PTP4A2: variants seen among roughly 807,000 people sequenced by gnomAD.
PTP4A2 encodes protein tyrosine phosphatase type IVA 2.
A neutral mutation model predicts 22.9 loss-of-function variants in PTP4A2; 2 were observed. The observed-to-expected ratio is 0.09, with a 90% CI of 0.04 to 0.27. PTP4A2 has a LOEUF of 0.27. PTP4A2 is among the 10% of genes least tolerant of loss of function. The pLI is 1.00. For synonymous variants in PTP4A2, 68 were observed against 69.1 expected (o/e 0.98, Z 0.08); for missense variants, 103 against 205.1 (o/e 0.50, Z 3.04).
At chr1:31,928,183 A>G (rs1557867691) in intron 1 of PTP4A2, among the ~76,000 whole-genome samples, 3 of 146,600 alleles carry the variant, frequency 2.0e-5, no homozygotes, top group Non-Finnish European at 4.5e-5. Context: ...TAACAAATAT[A>G]TATTATAACA....
At chr1:31,915,856 TACA>T (rs768243045) in intron 3 of PTP4A2, 36 bp downstream of exon 3, 1 of 1,324,238 alleles carries the variant, frequency 7.6e-7, no homozygotes, top group African/African-American at 1.5e-5. Context: ...GTTTGAAAGA[TACA>T]ACTTGTTTTG....
At chr1:31,931,762 T>C (rs1046161352) in intron 1 of PTP4A2, among the ~76,000 whole-genome samples, 2 of 152,218 alleles carry the variant, frequency 1.3e-5, no homozygotes, top group African/African-American at 4.8e-5. Flanking sequence ...TAACCACACA[T>C]GTGGAATGAA....
At chr1:31,921,882 T>C (rs1017064094) in intron 1 of PTP4A2, 1 of 152,284 alleles carries the variant, frequency 6.6e-6, no homozygotes, top group African/African-American at 2.4e-5. Flanking sequence ...CTTGTGATTA[T>C]ATAACCACTG....
rs570538553 is a variant in PTP4A2, at chr1:31,926,181, A to G, written c.-593-6523T>C. Among the ~76,000 whole-genome samples the G allele has an allele frequency of 9.6e-3, 1,412 of 147,274 alleles. 10 individuals carry two copies. Among genetic ancestry groups the G allele is most frequent in the Non-Finnish European group, 0.016 (1,030 of 66,426 alleles). On this transcript the variant is annotated intron_variant, in intron 1 of 5. Coordinates refer to ENST00000647444, the MANE Select transcript of PTP4A2 (RefSeq NM_080391.4). ...ATATATATATATATTTATCTCTCCT[A>G]TCAATCCACTCACATCAGGATTTCT... is the stretch of plus-strand genomic sequence containing the variant.
intron 1 of PTP4A2, among the ~76,000 whole-genome samples, chr1:31,931,816 C>T (rs1652739305): frequency 6.6e-6 from 1 of 152,212 alleles, no homozygotes; most frequent in South Asian, 2.1e-4. Context: ...ATATCCTTCT[C>T]TATTTGCTGA....
At chr1:31,914,800 C>T (rs939264437) in intron 3 of PTP4A2, among the ~76,000 whole-genome samples, 1 of 152,182 alleles carries the variant, frequency 6.6e-6, no homozygotes, top group African/African-American at 2.4e-5. Context: ...AGGAAACAGC[C>T]TATTTTGATG....
chr1:31,928,154 A>G (rs1033405938), intron 1 of PTP4A2, among the ~76,000 whole-genome samples: 2 of 147,914 alleles, frequency 1.4e-5, no homozygotes, highest in Middle Eastern at 3.3e-3. Context: ...TTAGATTTAA[A>G]TTAATATTAT....
chr1:31,928,811 A>G (rs773909592), intron 1 of PTP4A2, among the ~76,000 whole-genome samples: 1 of 152,168 alleles, frequency 6.6e-6, no homozygotes, highest in Non-Finnish European at 1.5e-5. Context: ...AGAAATCAAT[A>G]ATCAGTTCTA....
At chr1:31,909,998 T>C (rs1231015528) in intron 5 of PTP4A2, 40 bp downstream of exon 5, 5 of 1,515,906 alleles carry the variant, frequency 3.3e-6, no homozygotes, top group Non-Finnish European at 4.6e-6. Context: ...ATGCATGATC[T>C]TGCTTTCTGT....
intron 1 of PTP4A2, among the ~76,000 whole-genome samples, chr1:31,925,182 A>ATATACCT (rs1652389756): frequency 6.6e-6 from 1 of 152,198 alleles, no homozygotes; most frequent in South Asian, 2.1e-4. Context: ...ACATCTTAAC[A>ATATACCT]TATACCTTTT....
At chr1:31,931,512 C>T (rs1652726736) in intron 1 of PTP4A2, among the ~76,000 whole-genome samples, 1 of 152,190 alleles carries the variant, frequency 6.6e-6, no homozygotes, top group South Asian at 2.1e-4. Flanking sequence ...CTCCCCTGAT[C>T]TACTGAGCAA....
chr1:31,923,363 C>G (rs1439258633), intron 1 of PTP4A2, among the ~76,000 whole-genome samples: 3 of 124,228 alleles, frequency 2.4e-5, no homozygotes, highest in Non-Finnish European at 4.8e-5. Flanking sequence ...GAGACGGAGT[C>G]TTGCTCTGTC....
chr1:31,917,719 T>C (rs1465693279), intron 2 of PTP4A2, among the ~76,000 whole-genome samples: 1 of 152,186 alleles, frequency 6.6e-6, no homozygotes, highest in African/African-American at 2.4e-5. Context: ...CTCACGCCTG[T>C]AATCCCAGCA....
At chr1:31,909,100 A>G in intron 5 of PTP4A2, 140 bp from the exon 6 acceptor site, 1 of 666,694 alleles carries the variant, frequency 1.5e-6, no homozygotes, top group Non-Finnish European at 2.6e-6. Flanking sequence ...AACAATTCTT[A>G]AAGAGCTAAG....
At chr1:31,926,484 T>C (rs1366137652) in intron 1 of PTP4A2, among the ~76,000 whole-genome samples, 2 of 152,154 alleles carry the variant, frequency 1.3e-5, no homozygotes, top group African/African-American at 2.4e-5. Context: ...AGCCTAATAA[T>C]GTAATATACA....
At position 31,922,855 on chromosome 1, in the gene PTP4A2, A is replaced by C. The variant is rs10914502; in HGVS notation, c.-593-3197T>G. 4.2e-3 allele frequency among the ~76,000 whole-genome samples: 644 copies of C among 152,026 alleles called. 2 individuals are homozygous for C. The highest frequency in any genetic ancestry group is 0.023 in the South Asian group (113 of 4,814). The stretch of plus-strand genomic sequence containing the variant: ...CAGGCTGATCTCGAATTCCTGGATG[A>C]AAACCAACCTCCTGCCTCGGCCTCC... On this transcript the variant is annotated intron_variant, in intron 1 of 5. Transcript: ENST00000647444.
intron 2 of PTP4A2, 30 bp from the exon 3 acceptor site, chr1:31,916,017 C>T (rs373709524): frequency 6.9e-7 from 1 of 1,452,202 alleles, no homozygotes; most frequent in Non-Finnish European, 9.4e-7. Flanking sequence ...TATAATGGAA[C>T]TTGTTTTTGA....
At chr1:31,925,816 T>C (rs755464936) in intron 1 of PTP4A2, among the ~76,000 whole-genome samples, 4 of 151,624 alleles carry the variant, frequency 2.6e-5, no homozygotes, top group Non-Finnish European at 5.9e-5. Flanking sequence ...GCAGCCTCAT[T>C]TAATTTAACC....
rs745326625 is a variant in PTP4A2 at position 31,919,036 on chromosome 1, G to C, written c.30C>G (p.Ser10=). 2 of 1,605,482 alleles carry C rather than the reference G, an allele frequency of 1.2e-6. No homozygotes were observed. The highest frequency in any genetic ancestry group is 1.7e-6 in the Non-Finnish European group (2 of 1,173,764). The change falls in exon 2 of 6, where the codon TCC becomes TCG. Residue 10 remains serine, a synonymous_variant. Transcript: ENST00000647444. ...TTATCAGAAAACGCATGTTCTCATA[G>C]GAGATCTCCACAGGGGCTGGACGGT... is the stretch of plus-strand genomic sequence containing the variant. The part of the protein sequence containing the change: MNRPAPVEI[S]YENMRFLITH...
Sources: allele counts gnomAD v4.1 joint callset (sites outside exome capture counted in the v4.1 genomes callset), GRCh38; gene constraint gnomAD v4.1.1; transcripts MANE v1.5; gene names NCBI Gene and HGNC (gene_info 2026-07-23, HGNC 2026-07-21).